Variants in CATIP observed in about 807,000 individuals in gnomAD.
CATIP encodes ciliogenesis-associated TTC17-interacting protein.
In CATIP, 40 loss-of-function variants were observed where a neutral mutation model predicts 42.5. That is an observed-to-expected ratio of 0.94 (90% CI 0.73 to 1.22). The LOEUF (loss-of-function observed/expected upper bound fraction) is 1.22. CATIP is among the 50% of genes most tolerant of loss of function. The pLI is 0.00. For missense variants in CATIP, 489 were observed against 496.0 expected (o/e 0.99, Z 0.13); for synonymous variants, 222 against 200.2 (o/e 1.11, Z -0.92).
In CATIP at chr2:218,362,853, C is replaced by T. The variant is rs1296675705; in HGVS notation, c.581C>T (p.Ala194Val). The T allele has an allele frequency of 1.9e-6, 3 of 1,613,890 alleles. No homozygotes were observed. ...MAWRRMVPSNARFLTLDTEGK... is the reference protein window; with the variant it reads ...MAWRRMVPSNVRFLTLDTEGK... ...TGGCGGCGGATGGTGCCCAGCAATG[C>T]CCGCTTCCTGACCTTGGACACCGAG... The change falls in exon 6 of 10, where the codon GCC (alanine) becomes GTC (valine). Residue 194 changes from alanine (A) to valine (V), a missense_variant. Physicochemically the swap from Ala to Val is moderately conservative, Grantham distance 64. Coordinates refer to ENST00000289388, the MANE Select transcript of CATIP (RefSeq NM_198559.2).
intron 7 of CATIP, among the ~76,000 whole-genome samples, 166 bp downstream of exon 7, chr2:218,364,918 T>C (rs11696005): frequency 0.22 from 34,076 of 152,130 alleles, 3,887 homozygotes; most frequent in Middle Eastern, 0.36. Flanking sequence ...GCTCGTCCTC[T>C]TAACCCTCAC....
intron 7 of CATIP, chr2:218,366,576 G>A: frequency 5.2e-6 from 1 of 192,108 alleles, no homozygotes. Context: ...GAGGGAGGCA[G>A]AAGTAAAGAG....
At position 218,364,727 on chromosome 2, in the gene CATIP, T is replaced by C. The variant is rs1695365646; in HGVS notation, c.730T>C (p.Cys244Arg). 2 of 1,613,738 alleles carry C rather than the reference T, an allele frequency of 1.2e-6. No homozygotes were observed. The highest frequency in any genetic ancestry group is 1.7e-6 in the Non-Finnish European group (2 of 1,179,788). The part of the protein sequence containing the change: ...VHAEEGIPMS[C>R]QYYLLSDGHL... ...CGCGGAGGAGGGCATCCCCATGTCC[T>C]GCCAGTACTACCTGCTCTCCGATGG... is the stretch of plus-strand genomic sequence containing the variant. The change falls in exon 7 of 10, where the codon TGC becomes CGC. Residue 244 changes from cysteine (C) to arginine (R), a missense_variant. Coordinates refer to ENST00000289388, the MANE Select transcript of CATIP (RefSeq NM_198559.2).
intron 1 of CATIP, 33 bp downstream of exon 1, chr2:218,356,942 G>A (rs1695033778): frequency 6.2e-7 from 1 of 1,612,662 alleles, no homozygotes; most frequent in South Asian, 1.1e-5. Flanking sequence ...TGGAGGCGGG[G>A]ATCCTCTTCT....
intron 7 of CATIP, 28 bp downstream of exon 7, chr2:218,364,780 G>T: frequency 6.2e-7 from 1 of 1,603,910 alleles, no homozygotes; most frequent in South Asian, 1.1e-5. Flanking sequence ...GGCCCAGAGG[G>T]GTGGTGCTGA....
At position 218,367,933 on chromosome 2, in the gene CATIP, C is replaced by G. The variant is rs146605680; in HGVS notation, c.1133C>G (p.Pro378Arg). Residue 378 changes from proline (P) to arginine (R), a missense_variant, in exon 10 of 10, where the codon CCG becomes CGG. Physicochemically the swap from Pro to Arg is moderately radical, Grantham distance 103 (BLOSUM62 -2). Transcript: ENST00000289388. ...HRPNPFRSLE[P>R]EGDARSGAA ...CCCAACCCTTTCCGCTCCCTGGAGC[C>G]GGAGGGAGACGCCCGCTCGGGGGCG... The G allele has an allele frequency of 1.9e-6, 3 of 1,603,432 alleles. No homozygotes were observed. The highest frequency in any genetic ancestry group is 1.3e-5 in the African/African-American group (1 of 74,720).
intron 2 of CATIP, 94 bp downstream of exon 2, chr2:218,357,281 C>CTG: frequency 2.3e-6 from 2 of 885,250 alleles, no homozygotes; most frequent in Non-Finnish European, 3.5e-6. Context: ...CTCTCTCTCT[C>CTG]TCTCTCTCTT....
At chr2:218,359,341 CA>C (rs140677940) in intron 4 of CATIP, among the ~76,000 whole-genome samples, 25,172 of 79,396 alleles carry the variant, frequency 0.32, 1,852 homozygotes, top group Middle Eastern at 0.45. Flanking sequence ...GACTCTGTCT[CA>C]AAAAAAAAAA....
chr2:218,360,550 C>A (rs371179104), intron 4 of CATIP, 23 bp from the exon 5 acceptor site: 17 of 1,599,232 alleles, frequency 1.1e-5, no homozygotes, highest in Non-Finnish European at 1.5e-5. Context: ...CCCTGATCCT[C>A]CCCCGCATGC....
chr2:218,357,854 C>A (rs1695089967), intron 3 of CATIP, 120 bp downstream of exon 3: 1 of 1,186,072 alleles, frequency 8.4e-7, no homozygotes, highest in Non-Finnish European at 1.2e-6. Context: ...CAGGACAAGG[C>A]ACGGGGTGGG....
At chr2:218,360,894 G>A (rs1046153613) in intron 5 of CATIP, among the ~76,000 whole-genome samples, 5 of 149,140 alleles carry the variant, frequency 3.4e-5, no homozygotes, top group African/African-American at 1.2e-4. Context: ...GCAATGACGT[G>A]ATCTCGGCTC....
At chr2:218,359,261 G>A (rs2106309811) in intron 4 of CATIP, among the ~76,000 whole-genome samples, 1 of 147,592 alleles carries the variant, frequency 6.8e-6, no homozygotes, top group Non-Finnish European at 1.5e-5. Flanking sequence ...AGAATTGCTT[G>A]AACCCAGGAG....
chr2:218,357,181 T>A lies in CATIP; in HGVS notation c.112T>A (p.Ser38Thr), dbSNP rs1181980999. 6.2e-7 allele frequency: 1 copy of A among 1,611,988 alleles called. No homozygotes were observed. The highest frequency in any genetic ancestry group is 8.5e-7 in the Non-Finnish European group (1 of 1,179,076). Reference sequence around the variant, plus strand: ...TGCTGAAGCCATCGACTTCCTCAGCTCCCTCCGTGAGCTCAGACAGTGTCG... The same window carrying A: ...TGCTGAAGCCATCGACTTCCTCAGCACCCTCCGTGAGCTCAGACAGTGTCG... ...ANAEAIDFLS[S>T]LHKEELQMLF... is the part of the protein sequence containing the mutation. The change falls in exon 2 of 10, where the codon TCC becomes ACC. Residue 38 changes from serine to threonine, a missense_variant. Transcript: ENST00000289388.
In CATIP at chr2:218,357,553, G is replaced by T; in HGVS notation, c.138G>T (p.Met46Ile). 6.2e-7 allele frequency: 1 copy of T among 1,613,958 alleles called. No homozygotes were observed. The highest frequency in any genetic ancestry group is 2.2e-5 in the East Asian group (1 of 44,868). ...LSSLHKEELQ[M>I]LFFSETLAMV... ...CCCCAGACAAGGAGGAGCTACAGAT[G>T]CTGTTCTTCTCTGAGACGCTGGCCA... Residue 46 changes from methionine to isoleucine, a missense_variant, in exon 3 of 10, where the codon ATG becomes ATT. Transcript: ENST00000289388.
chr2:218,359,104 C>T (rs1221193827), intron 4 of CATIP, among the ~76,000 whole-genome samples: 1 of 151,344 alleles, frequency 6.6e-6, no homozygotes, highest in Non-Finnish European at 1.5e-5. Context: ...TTTGGGATGC[C>T]GAGGCAGGTG....
At position 218,367,970 on chromosome 2, in the gene CATIP, G is replaced by A; in HGVS notation, c.*6G>A. On this transcript the variant is annotated 3_prime_UTR_variant, in exon 10 of 10. Coordinates refer to ENST00000289388, the MANE Select transcript of CATIP (RefSeq NM_198559.2). ...CCCGCTCGGGGGCGGCCTAAGCGGG[G>A]CCCAGGCCCGGACAGGGCAGGAAAC... 2 of 1,562,950 alleles carry A rather than the reference G, an allele frequency of 1.3e-6. No individual in the cohort carries two copies. Among genetic ancestry groups the A allele is most frequent in the South Asian group, 2.3e-5 (2 of 87,166 alleles).
chr2:218,366,862 C>G (rs1174182684), intron 7 of CATIP, 162 bp from the exon 8 acceptor site: 8 of 664,212 alleles, frequency 1.2e-5, no homozygotes, highest in Non-Finnish European at 1.9e-5. Flanking sequence ...GGCACTAATC[C>G]TATCTGATTC....
chr2:218,360,609 C>T lies in CATIP; in HGVS notation c.412C>T (p.Leu138=). The T allele has an allele frequency of 6.2e-7, 1 of 1,613,942 alleles. No homozygotes were observed. The highest frequency in any genetic ancestry group is 1.1e-5 in the South Asian group (1 of 91,072). ...CCCCATGGAACGGAAGATGAGTTTG[C>T]TGAAGCAGGATGATCAGCTGGCTGT... The part of the protein sequence containing the change: ...ILPMERKMSL[L]KQDDQLAVTR... The change falls in exon 5 of 10, where the codon CTG becomes TTG. Residue 138 remains leucine, a synonymous_variant. Coordinates refer to ENST00000289388, the MANE Select transcript of CATIP (RefSeq NM_198559.2).
intron 8 of CATIP, 66 bp from the exon 9 acceptor site, chr2:218,367,364 A>G: frequency 7.0e-7 from 1 of 1,433,946 alleles, no homozygotes; most frequent in South Asian, 1.1e-5. Context: ...TGTTCTCGGG[A>G]TCTCGCTGTG....
Sources: gnomAD v4.1 joint callset for allele counts (sites outside exome capture counted in the v4.1 genomes callset) on GRCh38, gnomAD v4.1.1 for gene constraint, MANE v1.5 for transcripts, NCBI Gene and HGNC (gene_info 2026-07-23, HGNC 2026-07-21) for gene names.